Variants in TUB observed in about 807,000 individuals in gnomAD.
TUB encodes TUB bipartite transcription factor.
A neutral mutation model predicts 59.7 loss-of-function variants in TUB; 33 were observed. The ratio of observed to expected loss-of-function variants is 0.55; its 90% CI spans 0.42 to 0.74. TUB has a LOEUF of 0.74. TUB is among the 30% of genes least tolerant of loss of function. The probability of loss-of-function intolerance (pLI) is 0.00; values close to 1 mark genes in which losing one functional copy is unlikely to be tolerated. For synonymous variants in TUB, 293 were observed against 256.4 expected (o/e 1.14, Z -1.36); for missense variants, 659 against 672.0 (o/e 0.98, Z 0.21).
chr11:8,027,715 A>T (rs1260245585), intron 1 of TUB, among the ~76,000 whole-genome samples: 2 of 152,074 alleles, frequency 1.3e-5, no homozygotes, highest in South Asian at 4.1e-4. Flanking sequence ...GGGTTTCTCC[A>T]TGTTGGCCAG....
chr11:8,086,258 G>A (rs114121057), intron 1 of TUB, among the ~76,000 whole-genome samples: 201 of 152,292 alleles, frequency 1.3e-3, no homozygotes, highest in African/African-American at 4.2e-3. Context: ...TGTGGTTATC[G>A]TTTAGGTCAG....
chr11:8,091,765 C>T (rs1943784448), intron 3 of TUB, among the ~76,000 whole-genome samples: 1 of 152,210 alleles, frequency 6.6e-6, no homozygotes, highest in South Asian at 2.1e-4. Context: ...CTGCTCCTCA[C>T]AGAGCTGGCC....
In TUB at chr11:8,102,759, A is replaced by T. The variant is rs1243557628; in HGVS notation, c.*1140A>T. 1 of 152,222 alleles carries T rather than the reference A, an allele frequency of 6.6e-6. No homozygotes were observed. The highest frequency in any genetic ancestry group is 1.5e-5 in the Non-Finnish European group (1 of 68,056). 9.4% of individuals were successfully genotyped at this position (152,222 alleles called of 1,614,324 possible). ...ATCAGCAGTGGCAGGACCCTTAGGA[A>T]TCTAGTACAACCTTGTTGCTTTAGG... On this transcript the variant is annotated 3_prime_UTR_variant, in exon 12 of 12. Transcript: ENST00000299506.
intron 2 of TUB, among the ~76,000 whole-genome samples, chr11:8,046,927 C>T (rs74052193): frequency 0.16 from 24,316 of 152,030 alleles, 2,122 homozygotes; most frequent in African/African-American, 0.2. Flanking sequence ...TTTTAAAATT[C>T]GCAAAAAATT....
chr11:8,034,945 T>A (rs1942626123), upstream of TUB, among the ~76,000 whole-genome samples: 1 of 152,244 alleles, frequency 6.6e-6, no homozygotes, highest in Non-Finnish European at 1.5e-5. Context: ...CTATCAGAAC[T>A]GAGGAGAATC....
chr11:8,019,301 C>A, exon 1 of TUB: 1 of 1,272,898 alleles, frequency 7.9e-7, no homozygotes, highest in Non-Finnish European at 9.9e-7. Flanking sequence ...CCGGAGGCGG[C>A]GATGGAGGGA....
chr11:8,072,129 C>T (rs1049777830), intron 2 of TUB, among the ~76,000 whole-genome samples: 1 of 152,096 alleles, frequency 6.6e-6, no homozygotes, highest in South Asian at 2.1e-4. Flanking sequence ...GACCAGGAGT[C>T]GGGAGAGAGA....
At chr11:8,024,418 A>G (rs951171551) in intron 1 of TUB, among the ~76,000 whole-genome samples, 2 of 151,892 alleles carry the variant, frequency 1.3e-5, no homozygotes, top group Non-Finnish European at 2.9e-5. Flanking sequence ...ATTGCCCACA[A>G]CAGCCCTTCC....
intron 5 of TUB, 134 bp downstream of exon 5, chr11:8,095,799 C>T (rs911880698): frequency 1.4e-5 from 14 of 1,001,450 alleles, no homozygotes; most frequent in South Asian, 7.3e-5. Context: ...GGGCACACTT[C>T]GGAGACAAAT....
intron 6 of TUB, 104 bp downstream of exon 6, chr11:8,096,910 T>G: frequency 7.4e-7 from 1 of 1,344,652 alleles, no homozygotes; most frequent in Non-Finnish European, 1.1e-6. Flanking sequence ...TAGGAGCTTC[T>G]CTGCTGGCCT....
At chr11:8,051,577 C>T (rs1331216829) in intron 2 of TUB, among the ~76,000 whole-genome samples, 1 of 152,116 alleles carries the variant, frequency 6.6e-6, no homozygotes, top group Non-Finnish European at 1.5e-5. Context: ...CATTTCTTTC[C>T]AGAAAGGCTA....
chr11:8,069,584 T>C (rs1253624681), intron 2 of TUB, among the ~76,000 whole-genome samples: 2 of 152,178 alleles, frequency 1.3e-5, no homozygotes, highest in East Asian at 3.8e-4. Context: ...TCATTAGCCG[T>C]CATCAGAAAT....
In TUB at chr11:8,039,180, A is replaced by G. The variant is rs146778279; in HGVS notation, c.155+152A>G. Reference sequence around the variant, plus strand: ...TATCACCACGTGGAGCCCCACAGGTATATCCCCGCAAACCCCTCTTGCTCC... The same window carrying G: ...TATCACCACGTGGAGCCCCACAGGTGTATCCCCGCAAACCCCTCTTGCTCC... On this transcript the variant is annotated intron_variant, in intron 1 of 12. Transcript: ENST00000305253. 2.6e-4 allele frequency: 269 copies of G among 1,037,450 alleles called. 1 individual carries two copies. In the African/African-American group the frequency reaches 4.0e-3, roughly 15 times the overall value. 64.3% of individuals were successfully genotyped at this position (1,037,450 alleles called of 1,614,324 possible). A position where few individuals can be genotyped will look rare whatever the true frequency, so the allele number is the denominator to read the frequency against.
intron 1 of TUB, among the ~76,000 whole-genome samples, chr11:8,033,203 C>A (rs1055545969): frequency 2.6e-5 from 4 of 152,194 alleles, no homozygotes; most frequent in Non-Finnish European, 5.9e-5. Context: ...AAGCCCCAAG[C>A]CTTTGCAAAC....
chr11:8,032,757 G>A (rs541496296), intron 1 of TUB, among the ~76,000 whole-genome samples: 1 of 152,248 alleles, frequency 6.6e-6, no homozygotes, highest in African/African-American at 2.4e-5. Context: ...CCTCACATCT[G>A]GTCACTATTC....
chr11:8,048,305 C>T (rs1942869092), intron 2 of TUB, among the ~76,000 whole-genome samples: 1 of 152,148 alleles, frequency 6.6e-6, no homozygotes, highest in Admixed American at 6.5e-5. Context: ...TCAAAGACTT[C>T]ATGAATGAAT....
Position 8,101,856 on chromosome 11 carries a change from G to GGCGT in TUB, c.*237_*238insGCGT. The GGCGT allele has an allele frequency of 4.1e-6, 2 of 482,856 alleles. No individual in the cohort carries two copies. The highest frequency in any genetic ancestry group is 6.8e-6 in the Non-Finnish European group (2 of 295,350). 29.9% of individuals were successfully genotyped at this position (482,856 alleles called of 1,614,324 possible). A position where few individuals can be genotyped will look rare whatever the true frequency, so the allele number is the denominator to read the frequency against. On this transcript the variant is annotated 3_prime_UTR_variant, in exon 12 of 12. Transcript: ENST00000299506. ...AAGGGATGAGAATAATTCTTTCCAT[G>GGCGT]CCACGAGATCAACACACACTCCCAC...
At chr11:8,080,822 C>T (rs899777764), upstream of TUB, among the ~76,000 whole-genome samples, 4 of 152,290 alleles carry the variant, frequency 2.6e-5, no homozygotes, top group Admixed American at 6.5e-5. Context: ...CGCTTCGGCC[C>T]GGAGGTTCCC....
upstream of TUB, among the ~76,000 whole-genome samples, chr11:8,038,128 G>C (rs1200565513): frequency 1.3e-5 from 2 of 152,204 alleles, no homozygotes; most frequent in East Asian, 3.9e-4. Context: ...AATGTATAGA[G>C]TGAATGTTCA....
Sources: allele counts gnomAD v4.1 joint callset (sites outside exome capture counted in the v4.1 genomes callset), GRCh38; gene constraint gnomAD v4.1.1; transcripts MANE v1.5; gene names NCBI Gene and HGNC (gene_info 2026-07-23, HGNC 2026-07-21).